VSNL1: variants seen among roughly 807,000 people sequenced by gnomAD.
VSNL1 encodes visinin-like protein 1.
VSNL1 carries 6 observed loss-of-function variants against 20.4 expected under a neutral mutation model. That is an observed-to-expected ratio of 0.29 (90% CI 0.16 to 0.58). VSNL1 has a LOEUF of 0.58. VSNL1 is among the 20% of genes least tolerant of loss of function. The probability of loss-of-function intolerance (pLI) is 0.90; values close to 1 mark genes in which losing one functional copy is unlikely to be tolerated. For missense variants in VSNL1, 100 were observed against 234.5 expected (o/e 0.43, Z 3.75); for synonymous variants, 93 against 86.4 (o/e 1.08, Z -0.42).
At chr2:17,548,624 C>T (rs902648781) in intron 1 of VSNL1, among the ~76,000 whole-genome samples, 2 of 152,168 alleles carry the variant, frequency 1.3e-5, no homozygotes, top group Non-Finnish European at 2.9e-5. Context: ...TCCCCCTGCA[C>T]ACCCCAATCT....
chr2:17,588,752 A>G (rs1664532427), intron 1 of VSNL1, among the ~76,000 whole-genome samples: 1 of 152,216 alleles, frequency 6.6e-6, no homozygotes, highest in African/African-American at 2.4e-5. Flanking sequence ...AATATTTTCC[A>G]TGCAGTTAAA....
chr2:17,642,597 T>C (rs1002603267), intron 2 of VSNL1, among the ~76,000 whole-genome samples: 6 of 152,152 alleles, frequency 3.9e-5, no homozygotes, highest in African/African-American at 1.4e-4. Flanking sequence ...CATGAGCCAC[T>C]GCGCCCAGCC....
At chr2:17,583,481 C>T (rs1051095603) in intron 1 of VSNL1, among the ~76,000 whole-genome samples, 9 of 152,178 alleles carry the variant, frequency 5.9e-5, no homozygotes, top group African/African-American at 2.2e-4. Context: ...CAAAGATGGC[C>T]CATTTCCTTT....
At chr2:17,561,360 G>A (rs62131515) in intron 1 of VSNL1, among the ~76,000 whole-genome samples, 4,457 of 152,250 alleles carry the variant, frequency 0.029, 64 homozygotes, top group Middle Eastern at 0.054. Flanking sequence ...GCCCTAGCAT[G>A]TACAAGGGCT....
intron 1 of VSNL1, among the ~76,000 whole-genome samples, chr2:17,555,095 T>A (rs1397818358): frequency 6.6e-6 from 1 of 152,208 alleles, no homozygotes; most frequent in Non-Finnish European, 1.5e-5. Context: ...TCAGCATAGA[T>A]TTCTGCCCAT....
intron 2 of VSNL1, among the ~76,000 whole-genome samples, chr2:17,635,803 G>A (rs1665735093): frequency 6.6e-6 from 1 of 152,158 alleles, no homozygotes; most frequent in Non-Finnish European, 1.5e-5. Flanking sequence ...TCTCCCATGT[G>A]CCTGACACTG....
At chr2:17,560,437 A>G (rs1663787026) in intron 1 of VSNL1, among the ~76,000 whole-genome samples, 1 of 152,160 alleles carries the variant, frequency 6.6e-6, no homozygotes, top group Middle Eastern at 3.2e-3. Context: ...CAATGGAACA[A>G]AATAGAGTAT....
chr2:17,638,213 A>T (rs970041134), intron 2 of VSNL1, among the ~76,000 whole-genome samples: 5 of 152,208 alleles, frequency 3.3e-5, no homozygotes, highest in Admixed American at 6.5e-5. Flanking sequence ...TGGGCAGGTT[A>T]CATAATATCC....
chr2:17,571,820 A>C (rs888944883), intron 1 of VSNL1, among the ~76,000 whole-genome samples: 5 of 152,218 alleles, frequency 3.3e-5, no homozygotes, highest in Non-Finnish European at 7.3e-5. Flanking sequence ...CATGGGAGAG[A>C]CTAGTTGAAA....
chr2:17,604,775 G>A (rs955591558), intron 2 of VSNL1, among the ~76,000 whole-genome samples: 6 of 152,226 alleles, frequency 3.9e-5, no homozygotes, highest in Non-Finnish European at 5.9e-5. Flanking sequence ...AGTGTTTTTA[G>A]GGACCAGTGC....
At chr2:17,540,367 C>T (rs1034198063), upstream of VSNL1, among the ~76,000 whole-genome samples, 1 of 152,252 alleles carries the variant, frequency 6.6e-6, no homozygotes, top group African/African-American at 2.4e-5. Context: ...AACCACTGGG[C>T]GTGGCGAGTC....
chr2:17,611,271 A>G lies in VSNL1; in HGVS notation c.162+19035A>G, dbSNP rs180898912. On this transcript the variant is annotated intron_variant, in intron 2 of 3. Coordinates refer to ENST00000295156, the MANE Select transcript of VSNL1 (RefSeq NM_003385.5). ...AGGAGAGGAAGTAACATGTCTAAGG[A>G]CACACAACTAGTGAATGACTAAGCT... Among the ~76,000 whole-genome samples, 7 of 152,328 alleles carry G rather than the reference A, an allele frequency of 4.6e-5. No individual in the cohort carries two copies. The East Asian group carries it at 9.6e-4, about 21-fold the overall frequency.
intron 1 of VSNL1, chr2:17,567,474 T>A (rs1038536766): frequency 6.7e-6 from 1 of 148,312 alleles, no homozygotes; most frequent in African/African-American, 2.5e-5. Context: ...TTCTCCTGCC[T>A]CAGCCTCCGG....
chr2:17,543,456 G>A (rs969281113), intron 1 of VSNL1, among the ~76,000 whole-genome samples: 2 of 152,190 alleles, frequency 1.3e-5, no homozygotes, highest in Non-Finnish European at 1.5e-5. Flanking sequence ...TTAGGACTTC[G>A]TGGAGTGAGG....
intron 2 of VSNL1, among the ~76,000 whole-genome samples, chr2:17,643,012 G>T (rs1665914572): frequency 6.6e-6 from 1 of 152,060 alleles, no homozygotes; most frequent in Non-Finnish European, 1.5e-5. Flanking sequence ...TTGAGGGTGG[G>T]GGTGGGCGAG....
At position 17,632,554 on chromosome 2, in the gene VSNL1, C is replaced by T. The variant is rs143502115; in HGVS notation, c.163-16856C>T. Among the ~76,000 whole-genome samples the T allele has an allele frequency of 3.2e-4, 49 of 152,136 alleles. No individual in the cohort carries two copies. In the East Asian group the frequency reaches 7.2e-3, roughly 22 times the overall value. On this transcript the variant is annotated intron_variant, in intron 2 of 3. Coordinates refer to ENST00000295156, the MANE Select transcript of VSNL1 (RefSeq NM_003385.5). Reference sequence around the variant, plus strand: ...GACCTCGTGATCTGCCCACCTTGGCCTCCAAAAGTGCTGGGATTACAGGCA... The same window carrying T: ...GACCTCGTGATCTGCCCACCTTGGCTTCCAAAAGTGCTGGGATTACAGGCA...
chr2:17,586,074 G>T (rs576380924), intron 1 of VSNL1, among the ~76,000 whole-genome samples: 68 of 152,220 alleles, frequency 4.5e-4, no homozygotes, highest in Admixed American at 2.6e-3. Flanking sequence ...CTCCCAAAGC[G>T]CTGGGATTAC....
chr2:17,596,580 G>A (rs1664715136), intron 2 of VSNL1, among the ~76,000 whole-genome samples: 1 of 152,170 alleles, frequency 6.6e-6, no homozygotes, highest in African/African-American at 2.4e-5. Flanking sequence ...TAGCCACTGT[G>A]ACATCAAAGC....
rs1439065797 is a variant in VSNL1 at position 17,612,795 on chromosome 2, C to A, written c.162+20559C>A. 2.6e-5 allele frequency among the ~76,000 whole-genome samples: 4 copies of A among 152,304 alleles called. No homozygotes were observed. The South Asian group carries it at 8.3e-4, about 32-fold the overall frequency. ...CAGCTCTGAGTAACAGCAATTCCTT[C>A]GTTTCCCAGACGGTGGATGTGCCCA... On this transcript the variant is annotated intron_variant, in intron 2 of 3. Coordinates refer to ENST00000295156, the MANE Select transcript of VSNL1 (RefSeq NM_003385.5).
Sources: gnomAD v4.1 joint callset for allele counts (sites outside exome capture counted in the v4.1 genomes callset) on GRCh38, gnomAD v4.1.1 for gene constraint, MANE v1.5 for transcripts, NCBI Gene and HGNC (gene_info 2026-07-23, HGNC 2026-07-21) for gene names.